The following GPC6 variants were observed in gnomAD, a reference collection of about 807,000 sequenced individuals.
GPC6 encodes the protein glypican 6.
Under a neutral mutation model 55.2 loss-of-function variants are expected in GPC6, and 14 were observed. That is an observed-to-expected ratio of 0.25 (90% CI 0.17 to 0.40). GPC6 has a LOEUF of 0.40. GPC6 is among the 10% of genes least tolerant of loss of function. GPC6 has a pLI of 1.00. For missense variants in GPC6, 641 were observed against 708.5 expected, an observed-to-expected ratio of 0.90 and a Z score of 1.08; for synonymous variants, 278 against 259.6, an observed-to-expected ratio of 1.07 and a Z score of -0.68.
At chr13:93,875,811 G>C (rs1316763611) in intron 3 of GPC6, among the ~76,000 whole-genome samples, 1 of 152,056 alleles carries the variant, frequency 6.6e-6, no homozygotes, top group Non-Finnish European at 1.5e-5. Context: ...CTATCATGGA[G>C]AAAGAAACAA....
At position 94,384,024 on chromosome 13, in the gene GPC6, A is replaced by C. The variant is rs139036348; in HGVS notation, c.1289+1474A>C. On this transcript the variant is annotated intron_variant, in intron 7 of 8. Coordinates refer to ENST00000377047, the MANE Select transcript of GPC6 (RefSeq NM_005708.5). ...AAGGTCCTGTTCTCAACACATAGGG[A>C]TTATGGGGATTGCAATTCAAGATGG... 2.0e-3 allele frequency among the ~76,000 whole-genome samples: 310 copies of C among 152,272 alleles called. 1 individual carries two copies. The highest frequency in any genetic ancestry group is 6.7e-3 in the African/African-American group (278 of 41,570).
Position 94,169,688 on chromosome 13 carries a change from G to C in GPC6, c.878-116661G>C, listed in dbSNP as rs192632846. ...AATGAATCCTTTGTATCCCTTGCGG[G>C]ATCCTGAGAAACATGCCATTGGGAG... On this transcript the variant is annotated intron_variant, in intron 4 of 8. Coordinates refer to ENST00000377047, the MANE Select transcript of GPC6 (RefSeq NM_005708.5). Among the ~76,000 whole-genome samples the C allele has an allele frequency of 8.8e-4, 134 of 152,212 alleles. 1 individual carries two copies. Among genetic ancestry groups the C allele is most frequent in the African/African-American group, 2.9e-3 (119 of 41,514 alleles).
chr13:93,883,677 T>A (rs1378002338), intron 3 of GPC6, among the ~76,000 whole-genome samples: 1 of 152,074 alleles, frequency 6.6e-6, no homozygotes, highest in Non-Finnish European at 1.5e-5. Context: ...AACTATTTCT[T>A]AACCATTTTA....
chr13:94,348,325 T>G (rs955738295), intron 6 of GPC6, among the ~76,000 whole-genome samples: 1 of 152,228 alleles, frequency 6.6e-6, no homozygotes, highest in Non-Finnish European at 1.5e-5. Flanking sequence ...CACAAGTATT[T>G]CACTACAACT....
At chr13:93,293,453 GT>G (rs1283811665) in intron 1 of GPC6, among the ~76,000 whole-genome samples, 2 of 152,090 alleles carry the variant, frequency 1.3e-5, no homozygotes, top group African/African-American at 4.8e-5. Flanking sequence ...TTTAAAGATT[GT>G]TTAGTACTTA....
At chr13:93,964,526 A>C (rs1372011755) in intron 3 of GPC6, among the ~76,000 whole-genome samples, 1 of 152,238 alleles carries the variant, frequency 6.6e-6, no homozygotes, top group Non-Finnish European at 1.5e-5. Flanking sequence ...GGGCTAATCA[A>C]AAACAGATAA....
chr13:93,808,155 A>AGAC (rs1273736264), intron 2 of GPC6, among the ~76,000 whole-genome samples: 2 of 152,216 alleles, frequency 1.3e-5, no homozygotes, highest in Non-Finnish European at 2.9e-5. Context: ...TATTCAGCAA[A>AGAC]GACTAGATTA....
At chr13:93,581,239 C>T (rs1300341411) in intron 2 of GPC6, among the ~76,000 whole-genome samples, 2 of 152,098 alleles carry the variant, frequency 1.3e-5, no homozygotes, top group Non-Finnish European at 2.9e-5. Context: ...AATGCTGTAT[C>T]ATTATGTATT....
intron 4 of GPC6, among the ~76,000 whole-genome samples, chr13:94,160,357 C>G (rs1173017885): frequency 2.0e-5 from 3 of 152,126 alleles, no homozygotes; most frequent in Non-Finnish European, 4.4e-5. Flanking sequence ...GGAGAGATTA[C>G]TATATGTATC....
chr13:93,662,300 G>A (rs1277872215), intron 2 of GPC6, among the ~76,000 whole-genome samples: 2 of 152,154 alleles, frequency 1.3e-5, no homozygotes, highest in African/African-American at 2.4e-5. Context: ...TGGAAGGTAG[G>A]GAGCGGGGAG....
chr13:93,266,331 A>G (rs1877323666), intron 1 of GPC6, among the ~76,000 whole-genome samples: 1 of 152,196 alleles, frequency 6.6e-6, no homozygotes, highest in African/African-American at 2.4e-5. Flanking sequence ...AGACGCACTA[A>G]CAGCATGATT....
intron 1 of GPC6, among the ~76,000 whole-genome samples, chr13:93,378,226 T>G (rs1875004024): frequency 1.3e-5 from 2 of 152,246 alleles, no homozygotes; most frequent in Admixed American, 6.5e-5. Context: ...ATTCTGCTAC[T>G]TGATGGCTTC....
intron 2 of GPC6, among the ~76,000 whole-genome samples, chr13:93,784,544 T>A (rs889648053): frequency 6.6e-6 from 1 of 152,200 alleles, no homozygotes; most frequent in African/African-American, 2.4e-5. Context: ...AGCCTTCAGC[T>A]TATTTCTCAG....
chr13:93,515,394 G>A lies in GPC6; in HGVS notation c.161-29869G>A, dbSNP rs189166725. Among the ~76,000 whole-genome samples, 321 of 152,256 alleles carry A rather than the reference G, an allele frequency of 2.1e-3. 2 individuals are homozygous for A. The highest frequency in any genetic ancestry group is 7.5e-3 in the Admixed American group (115 of 15,274). On this transcript the variant is annotated intron_variant, in intron 1 of 8. Transcript: ENST00000377047. ...TTATAGCTCTTTTAAATTGCATGAA[G>A]TAATGCATGCTATGTAGGGATAATC...
At chr13:93,877,682 T>TC (rs1200413341) in intron 3 of GPC6, among the ~76,000 whole-genome samples, 1 of 152,098 alleles carries the variant, frequency 6.6e-6, no homozygotes, top group African/African-American at 2.4e-5. Context: ...CTTTAATGGT[T>TC]CATAACAATC....
chr13:93,726,825 T>C lies in GPC6; in HGVS notation c.320-103329T>C, dbSNP rs552762419. 6.2e-4 allele frequency among the ~76,000 whole-genome samples: 94 copies of C among 152,260 alleles called. 1 individual carries two copies. Among genetic ancestry groups the C allele is most frequent in the African/African-American group, 2.0e-3 (84 of 41,562 alleles). ...CTACCCACTTAGGACTAGAACTTAA[T>C]GTCTTCCACCTGTAAGAGGCTTTGG... is the stretch of plus-strand genomic sequence containing the variant. On this transcript the variant is annotated intron_variant, in intron 2 of 8. Transcript: ENST00000377047.
At chr13:94,219,455 G>A (rs1180608251) in intron 4 of GPC6, among the ~76,000 whole-genome samples, 5 of 152,118 alleles carry the variant, frequency 3.3e-5, no homozygotes, top group South Asian at 2.1e-4. Context: ...TGCTTGGCAG[G>A]CTTAGAAACA....
intron 2 of GPC6, among the ~76,000 whole-genome samples, chr13:93,565,095 T>C (rs934014970): frequency 1.3e-5 from 2 of 152,208 alleles, no homozygotes; most frequent in Non-Finnish European, 2.9e-5. Context: ...TCTGTCTTTA[T>C]ATTCAGTTTT....
chr13:93,285,608 A>G lies in GPC6; in HGVS notation c.160+57992A>G, dbSNP rs1878085423. Among the ~76,000 whole-genome samples the G allele has an allele frequency of 2.6e-5, 3 of 117,272 alleles. No individual in the cohort carries two copies. The Admixed American group carries it at 2.7e-4, about 10-fold the overall frequency. The allele number at this position is 117,272 out of a possible 152,430, so 76.9% of individuals were successfully genotyped here. A position where few individuals can be genotyped will look rare whatever the true frequency, so the allele number is the denominator to read the frequency against. ...TTTTTCCTGGGATGTATGTGTATGT[A>G]TATACTGCTGTGTGTGTGTGTGTGT... On this transcript the variant is annotated intron_variant, in intron 1 of 8. Transcript: ENST00000377047.
Sources: allele counts gnomAD v4.1 joint callset (sites outside exome capture counted in the v4.1 genomes callset), GRCh38; gene constraint gnomAD v4.1.1; transcripts MANE v1.5; gene names NCBI Gene and HGNC (gene_info 2026-07-23, HGNC 2026-07-21).